Variants in ZBTB20 observed in about 807,000 individuals in gnomAD.
ZBTB20 encodes zinc finger and BTB domain containing 20.
ZBTB20 carries 9 observed loss-of-function variants against 56.9 expected under a neutral mutation model. That is an observed-to-expected ratio of 0.16 (90% CI 0.10 to 0.28). The LOEUF is 0.28. ZBTB20 is among the 10% of genes least tolerant of loss of function. ZBTB20 has a pLI of 1.00. For missense variants in ZBTB20, 655 were observed against 1,003.0 expected, an observed-to-expected ratio of 0.65 and a Z score of 4.69; for synonymous variants, 417 against 420.7, an observed-to-expected ratio of 0.99 and a Z score of 0.11.
At chr3:114,838,908 C>T (rs1385965384) in intron 4 of ZBTB20, among the ~76,000 whole-genome samples, 3 of 152,046 alleles carry the variant, frequency 2.0e-5, no homozygotes, top group African/African-American at 7.2e-5. Context: ...TTTCCATTTA[C>T]AACCAAATGG....
chr3:114,969,825 T>A (rs954351052), intron 3 of ZBTB20, among the ~76,000 whole-genome samples: 1 of 152,222 alleles, frequency 6.6e-6, no homozygotes, highest in Non-Finnish European at 1.5e-5. Flanking sequence ...TGGTAACTGC[T>A]GAACTATGAA....
At chr3:114,426,151 C>T (rs1446481729) in intron 7 of ZBTB20, among the ~76,000 whole-genome samples, 3 of 151,872 alleles carry the variant, frequency 2.0e-5, no homozygotes, top group African/African-American at 2.4e-5. Flanking sequence ...CTGGCTAACA[C>T]GGTGAAACCC....
At chr3:114,648,569 T>C (rs551587472) in intron 6 of ZBTB20, among the ~76,000 whole-genome samples, 1 of 152,132 alleles carries the variant, frequency 6.6e-6, no homozygotes, top group South Asian at 2.1e-4. Context: ...AATAATATTA[T>C]ATTACACAAG....
At chr3:114,615,721 C>T (rs1263236731) in intron 6 of ZBTB20, among the ~76,000 whole-genome samples, 1 of 152,182 alleles carries the variant, frequency 6.6e-6, no homozygotes, top group African/African-American at 2.4e-5. Context: ...CAGCTTATCG[C>T]CTCAGCCTCT....
chr3:115,069,775 A>G (rs2082339524), intron 2 of ZBTB20, among the ~76,000 whole-genome samples: 1 of 151,960 alleles, frequency 6.6e-6, no homozygotes. Flanking sequence ...GATAATGATG[A>G]TGGCTAACTT....
chr3:114,844,865 T>TC (rs1307163608), intron 4 of ZBTB20, among the ~76,000 whole-genome samples: 3 of 149,976 alleles, frequency 2.0e-5, no homozygotes, highest in East Asian at 1.9e-4. Context: ...TTTTTCTTTT[T>TC]TTTTTTTTTT....
At chr3:114,964,185 TG>T (rs1056539896) in intron 3 of ZBTB20, among the ~76,000 whole-genome samples, 7 of 152,072 alleles carry the variant, frequency 4.6e-5, no homozygotes, top group Non-Finnish European at 7.4e-5. Context: ...GAGGCCAAGG[TG>T]GGTGGATCAC....
At chr3:115,045,221 A>G (rs2081290029) in intron 2 of ZBTB20, among the ~76,000 whole-genome samples, 2 of 152,162 alleles carry the variant, frequency 1.3e-5, no homozygotes, top group Admixed American at 1.3e-4. Flanking sequence ...GAACATTCTT[A>G]TTCAATTTCT....
intron 2 of ZBTB20, among the ~76,000 whole-genome samples, chr3:115,064,443 C>CTTTTTTTTT (rs34098178): frequency 1.3e-4 from 10 of 78,042 alleles, no homozygotes; most frequent in East Asian, 5.1e-4. Flanking sequence ...TCTCATAATT[C>CTTTTTTTTT]TTTTTTTTTT....
chr3:114,892,656 A>AG (rs2076860745), intron 4 of ZBTB20, among the ~76,000 whole-genome samples: 4 of 4,962 alleles, frequency 8.1e-4, no homozygotes, highest in Admixed American at 8.9e-3. Flanking sequence ...AGTGAGTTGC[A>AG]AAAAAACAAG....
At chr3:115,093,795 T>C (rs1394386389) in intron 1 of ZBTB20, among the ~76,000 whole-genome samples, 1 of 152,094 alleles carries the variant, frequency 6.6e-6, no homozygotes, top group Non-Finnish European at 1.5e-5. Flanking sequence ...TCTAGAAATG[T>C]GAGATGTTTT....
chr3:114,855,414 T>C (rs1340880925), intron 4 of ZBTB20, among the ~76,000 whole-genome samples: 1 of 152,230 alleles, frequency 6.6e-6, no homozygotes, highest in Non-Finnish European at 1.5e-5. Flanking sequence ...TGATAGTCTG[T>C]TGAGCTAGTG....
At chr3:114,822,913 G>T (rs926981984) in intron 4 of ZBTB20, among the ~76,000 whole-genome samples, 4 of 151,990 alleles carry the variant, frequency 2.6e-5, no homozygotes, top group African/African-American at 9.7e-5. Flanking sequence ...TTGATGTTAT[G>T]AATCAAGATG....
intron 2 of ZBTB20, among the ~76,000 whole-genome samples, chr3:115,028,674 T>C (rs2080530520): frequency 6.7e-6 from 1 of 150,372 alleles, no homozygotes; most frequent in Non-Finnish European, 1.5e-5. Context: ...AAGTTGAAAG[T>C]TTTCCATTAG....
intron 7 of ZBTB20, among the ~76,000 whole-genome samples, chr3:114,411,018 C>T (rs1432600820): frequency 6.6e-6 from 1 of 152,178 alleles, no homozygotes; most frequent in Non-Finnish European, 1.5e-5. Context: ...GCTCTTAAAA[C>T]ATGGCTTTGA....
chr3:114,849,283 C>T (rs987868317), intron 4 of ZBTB20, among the ~76,000 whole-genome samples: 1 of 152,100 alleles, frequency 6.6e-6, no homozygotes. Flanking sequence ...GTGTAAGAAC[C>T]TGGCTTTTAT....
intron 1 of ZBTB20, chr3:115,103,099 A>G (rs753524939): frequency 1.3e-5 from 2 of 152,222 alleles, no homozygotes; most frequent in Non-Finnish European, 2.9e-5. Context: ...AATTCAAGAT[A>G]TACTTTCCCT....
chr3:114,630,053 T>C (rs1199180034), intron 6 of ZBTB20, among the ~76,000 whole-genome samples: 1 of 152,100 alleles, frequency 6.6e-6, no homozygotes, highest in Non-Finnish European at 1.5e-5. Context: ...GGTGAGAGGA[T>C]CGCTTGATTC....
intron 3 of ZBTB20, among the ~76,000 whole-genome samples, chr3:114,963,322 G>A (rs2077524513): frequency 6.6e-6 from 1 of 152,102 alleles, no homozygotes; most frequent in African/African-American, 2.4e-5. Context: ...ATTTAGGTGT[G>A]TGGATCCTAG....
Sources: allele counts gnomAD v4.1 joint callset (sites outside exome capture counted in the v4.1 genomes callset), GRCh38; gene constraint gnomAD v4.1.1; transcripts MANE v1.5; gene names NCBI Gene and HGNC (gene_info 2026-07-23, HGNC 2026-07-21).